WDR70: variants seen among roughly 807,000 people sequenced by gnomAD.
The protein encoded by WDR70 is WD repeat-containing protein 70.
In WDR70, 53 loss-of-function variants were observed where a neutral mutation model predicts 88.6. The ratio of observed to expected loss-of-function variants is 0.60; its 90% CI spans 0.48 to 0.75. WDR70 has a LOEUF of 0.75. Ranked by LOEUF, WDR70 falls within the 30% of genes least tolerant of loss-of-function variation. The probability of loss-of-function intolerance (pLI) is 0.00; values close to 1 mark genes in which losing one functional copy is unlikely to be tolerated. For synonymous variants in WDR70, 280 were observed against 270.0 expected, an observed-to-expected ratio of 1.04 and a Z score of -0.36; for missense variants, 610 against 823.2, an observed-to-expected ratio of 0.74 and a Z score of 3.17.
chr5:37,438,698 G>A (rs188594542), intron 6 of WDR70, among the ~76,000 whole-genome samples: 110 of 152,062 alleles, frequency 7.2e-4, no homozygotes, highest in African/African-American at 2.6e-3. Flanking sequence ...AATCAATAGA[G>A]GTAGACCCAG....
At chr5:37,448,652 T>G (rs1356554057) in intron 7 of WDR70, among the ~76,000 whole-genome samples, 1 of 152,234 alleles carries the variant, frequency 6.6e-6, no homozygotes, top group Admixed American at 6.5e-5. Context: ...TTTCTTATGA[T>G]TAACATCTTA....
At chr5:37,428,116 CAT>C (rs948694204) in intron 5 of WDR70, among the ~76,000 whole-genome samples, 2 of 151,474 alleles carry the variant, frequency 1.3e-5, no homozygotes, top group African/African-American at 4.9e-5. Context: ...TTGTCTTAGA[CAT>C]ATGTCAGTCC....
chr5:37,437,984 A>C lies in WDR70; in HGVS notation c.552+3A>C. On this transcript the variant is annotated splice_donor_region_variant and intron_variant, in intron 6 of 17. Coordinates refer to ENST00000265107, the MANE Select transcript of WDR70 (RefSeq NM_018034.4). The stretch of plus-strand genomic sequence containing the variant: ...CGCTGAAGCATGGCACTAAAACAGT[A>C]AGTTTAAAAATCTAGTTTTTTCCTC... The C allele has an allele frequency of 6.2e-7, 1 of 1,607,318 alleles. No individual in the cohort carries two copies. The highest frequency in any genetic ancestry group is 8.5e-7 in the Non-Finnish European group (1 of 1,176,892).
At chr5:37,508,119 G>A (rs1424705217) in intron 8 of WDR70, among the ~76,000 whole-genome samples, 13 of 151,942 alleles carry the variant, frequency 8.6e-5, no homozygotes, top group Admixed American at 5.2e-4. Context: ...TTTTTTGTAC[G>A]TACCTATTAT....
intron 8 of WDR70, among the ~76,000 whole-genome samples, chr5:37,483,310 G>A (rs1022503014): frequency 2.0e-5 from 3 of 151,486 alleles, no homozygotes; most frequent in African/African-American, 4.9e-5. Context: ...GACTCTTAAC[G>A]AGCATGCTGC....
intron 9 of WDR70, among the ~76,000 whole-genome samples, chr5:37,558,993 G>T (rs1268473454): frequency 6.6e-6 from 1 of 151,672 alleles, no homozygotes; most frequent in Non-Finnish European, 1.5e-5. Context: ...GAGTGTGGTG[G>T]TGTGCTCTTG....
intron 9 of WDR70, among the ~76,000 whole-genome samples, chr5:37,554,672 C>CTGCA (rs1416033476): frequency 5.0e-5 from 5 of 99,984 alleles, no homozygotes; most frequent in Admixed American, 2.2e-4. Context: ...ACGCATGCAC[C>CTGCA]TGCACGCACA....
At chr5:37,559,840 A>G (rs1742446300) in intron 9 of WDR70, among the ~76,000 whole-genome samples, 1 of 150,594 alleles carries the variant, frequency 6.6e-6, no homozygotes, top group Admixed American at 6.6e-5. Flanking sequence ...AGCAAAATTC[A>G]GTATAAAAAA....
At chr5:37,698,027 T>C (rs1469358674) in intron 11 of WDR70, 2 of 291,188 alleles carry the variant, frequency 6.9e-6, no homozygotes, top group Non-Finnish European at 6.6e-6. Flanking sequence ...CCTCCACAAA[T>C]GATCCTTGCT....
intron 9 of WDR70, among the ~76,000 whole-genome samples, chr5:37,597,488 C>T (rs574962062): frequency 6.6e-6 from 1 of 152,302 alleles, no homozygotes; most frequent in African/African-American, 2.4e-5. Context: ...ATCTGTTTCT[C>T]TAACTTGATG....
intron 10 of WDR70, among the ~76,000 whole-genome samples, chr5:37,666,325 A>G (rs928026154): frequency 1.3e-5 from 2 of 152,190 alleles, no homozygotes; most frequent in African/African-American, 4.8e-5. Flanking sequence ...GTGATATCAT[A>G]TAAAGGGCAA....
At chr5:37,441,078 G>A (rs956389509) in intron 6 of WDR70, among the ~76,000 whole-genome samples, 10 of 152,198 alleles carry the variant, frequency 6.6e-5, no homozygotes, top group Non-Finnish European at 1.3e-4. Flanking sequence ...TTTATATTGT[G>A]TTGTAGTGAG....
chr5:37,645,099 G>T (rs1036246767), intron 10 of WDR70, among the ~76,000 whole-genome samples: 1 of 150,988 alleles, frequency 6.6e-6, no homozygotes, highest in African/African-American at 2.4e-5. Flanking sequence ...CTTTTTTGAT[G>T]TAAGTGCTTA....
At position 37,617,013 on chromosome 5, in the gene WDR70, TA is replaced by T. The variant is rs1466364498; in HGVS notation, c.1092+11777del. Reference sequence around the variant, plus strand: ...GTATTTTTAGCCGATTCTTTTCCAATAACTAGATTTTAAAGCATATAGTATT... The same window carrying T: ...GTATTTTTAGCCGATTCTTTTCCAATACTAGATTTTAAAGCATATAGTATT... On this transcript the variant is annotated intron_variant, in intron 10 of 17. Coordinates refer to ENST00000265107, the MANE Select transcript of WDR70 (RefSeq NM_018034.4). Among the ~76,000 whole-genome samples the T allele has an allele frequency of 3.3e-5, 5 of 152,348 alleles. No individual in the cohort carries two copies. In the East Asian group the frequency reaches 9.6e-4, roughly 29 times the overall value.
chr5:37,605,435 A>G (rs10941350), intron 10 of WDR70, among the ~76,000 whole-genome samples, 197 bp downstream of exon 10: 70,599 of 151,962 alleles, frequency 0.46, 18,013 homozygotes, highest in Non-Finnish European at 0.58. Context: ...TCAACTCTGT[A>G]TTTTTCAGTA....
chr5:37,677,042 C>T (rs1315466181), intron 10 of WDR70, among the ~76,000 whole-genome samples: 4 of 152,202 alleles, frequency 2.6e-5, no homozygotes, highest in Non-Finnish European at 5.9e-5. Context: ...GTAGTATTCT[C>T]TGATGGTAGT....
chr5:37,507,305 G>A (rs537394326), intron 8 of WDR70, among the ~76,000 whole-genome samples: 3 of 152,282 alleles, frequency 2.0e-5, no homozygotes, highest in African/African-American at 7.2e-5. Flanking sequence ...ATGTAATCAA[G>A]TTCAGGTATT....
chr5:37,604,135 C>T (rs866744195), intron 9 of WDR70, among the ~76,000 whole-genome samples: 17 of 151,448 alleles, frequency 1.1e-4, no homozygotes, highest in Non-Finnish European at 2.1e-4. Flanking sequence ...ATTCAGATTT[C>T]CACTTTTGTC....
At chr5:37,497,877 A>G (rs1435685148) in intron 8 of WDR70, among the ~76,000 whole-genome samples, 4 of 151,990 alleles carry the variant, frequency 2.6e-5, no homozygotes, top group African/African-American at 9.7e-5. Flanking sequence ...GCTAGAGTGC[A>G]GTGGTGCAAT....
Sources: allele counts gnomAD v4.1 joint callset (sites outside exome capture counted in the v4.1 genomes callset), GRCh38; gene constraint gnomAD v4.1.1; transcripts MANE v1.5; gene names NCBI Gene and HGNC (gene_info 2026-07-23, HGNC 2026-07-21).